Variants in TEK observed in about 807,000 individuals in gnomAD.
TEK encodes the protein TEK receptor tyrosine kinase, also known as angiopoietin-1 receptor.
In TEK, 43 loss-of-function variants were observed where a neutral mutation model predicts 131.8. The observed-to-expected ratio is 0.33, with a 90% CI of 0.26 to 0.42. The LOEUF is 0.42. Among genes scored for constraint, TEK ranks in the 10% least tolerant of loss-of-function variants. The pLI is 1.00. For missense variants in TEK, 1,162 were observed against 1,384.4 expected (o/e 0.84, Z 2.55); for synonymous variants, 580 against 491.6 (o/e 1.18, Z -2.38).
At chr9:27,175,242 G>A (rs1340067226) in intron 6 of TEK, among the ~76,000 whole-genome samples, 3 of 149,128 alleles carry the variant, frequency 2.0e-5, no homozygotes, top group African/African-American at 7.4e-5. Context: ...ACGGTGTTTG[G>A]TTTTTTGTCC....
chr9:27,220,209 G>A (rs913513177), intron 21 of TEK, 64 bp downstream of exon 21: 91 of 1,524,148 alleles, frequency 6.0e-5, no homozygotes, highest in Non-Finnish European at 5.9e-5. Flanking sequence ...TCTGGGGCCA[G>A]CTGACTCTAG....
intron 11 of TEK, chr9:27,195,819 T>G: frequency 2.4e-6 from 1 of 415,368 alleles, no homozygotes; most frequent in Non-Finnish European, 4.8e-6. Context: ...ATTTTACAGG[T>G]GAACTTGGAG....
At chr9:27,186,180 C>G (rs1339096778) in intron 9 of TEK, among the ~76,000 whole-genome samples, 1 of 152,134 alleles carries the variant, frequency 6.6e-6, no homozygotes, top group African/African-American at 2.4e-5. Flanking sequence ...GGCATTTTTC[C>G]TGCTATAAAT....
intron 2 of TEK, among the ~76,000 whole-genome samples, chr9:27,163,627 AG>A (rs899571344): frequency 6.6e-6 from 1 of 152,214 alleles, no homozygotes; most frequent in Non-Finnish European, 1.5e-5. Flanking sequence ...CTGGAGAACT[AG>A]GGGTGGAGGT....
At chr9:27,119,320 TA>T (rs1215456720) in intron 1 of TEK, among the ~76,000 whole-genome samples, 5 of 152,092 alleles carry the variant, frequency 3.3e-5, no homozygotes, top group East Asian at 1.9e-4. Flanking sequence ...GAAGACCTTT[TA>T]AAAAAAATAA....
intron 21 of TEK, among the ~76,000 whole-genome samples, chr9:27,220,979 C>G (rs1826048700): frequency 6.6e-6 from 1 of 152,216 alleles, no homozygotes; most frequent in South Asian, 2.1e-4. Context: ...GCCAAGTGGT[C>G]TAGCTCAGTG....
intron 9 of TEK, among the ~76,000 whole-genome samples, chr9:27,189,680 G>C (rs1824735521): frequency 6.6e-6 from 1 of 152,122 alleles, no homozygotes; most frequent in South Asian, 2.1e-4. Context: ...AAGGAGCCTT[G>C]AGCCAAGGAA....
intron 1 of TEK, among the ~76,000 whole-genome samples, chr9:27,119,815 T>A (rs1268115770): frequency 1.3e-5 from 2 of 152,172 alleles, no homozygotes; most frequent in African/African-American, 4.8e-5. Flanking sequence ...ATTTTTTTAC[T>A]TCTAGTGGAA....
intron 18 of TEK, among the ~76,000 whole-genome samples, chr9:27,215,461 C>T (rs1048349222): frequency 1.3e-5 from 2 of 151,966 alleles, no homozygotes; most frequent in African/African-American, 4.8e-5. Flanking sequence ...TCTCATTGTA[C>T]TTCAAAGCAT....
At chr9:27,145,330 C>A (rs569202115) in intron 1 of TEK, among the ~76,000 whole-genome samples, 3 of 152,194 alleles carry the variant, frequency 2.0e-5, no homozygotes, top group African/African-American at 7.2e-5. Flanking sequence ...CGGCCTGTTT[C>A]CTGCCCATGT....
intron 3 of TEK, among the ~76,000 whole-genome samples, chr9:27,169,016 A>C (rs778544181): frequency 1.3e-5 from 2 of 152,184 alleles, no homozygotes; most frequent in Non-Finnish European, 2.9e-5. Flanking sequence ...GGTCCTAGCT[A>C]TGGTTTCGTA....
intron 2 of TEK, among the ~76,000 whole-genome samples, chr9:27,163,527 C>T (rs927963604): frequency 3.3e-5 from 5 of 152,136 alleles, no homozygotes; most frequent in Admixed American, 3.3e-4. Flanking sequence ...ATGACTTGGA[C>T]ATGAGTGATG....
At chr9:27,228,791 G>A (rs1826439495) in intron 22 of TEK, among the ~76,000 whole-genome samples, 1 of 151,976 alleles carries the variant, frequency 6.6e-6, no homozygotes, top group South Asian at 2.1e-4. Context: ...AACCCAAGTG[G>A]TAATTCAACT....
intron 1 of TEK, among the ~76,000 whole-genome samples, chr9:27,124,811 A>G (rs1821928487): frequency 6.6e-6 from 1 of 152,166 alleles, no homozygotes; most frequent in South Asian, 2.1e-4. Flanking sequence ...CACAAAGAAA[A>G]TTAGTGACAG....
intron 1 of TEK, among the ~76,000 whole-genome samples, chr9:27,117,243 G>A (rs889678336): frequency 1.3e-5 from 2 of 152,206 alleles, no homozygotes; most frequent in African/African-American, 4.8e-5. Flanking sequence ...GCACCAGCCT[G>A]CAGGTGTGTT....
At chr9:27,192,426 AC>A in intron 10 of TEK, 62 bp from the exon 11 acceptor site, 2 of 1,604,500 alleles carry the variant, frequency 1.2e-6, no homozygotes, top group Non-Finnish European at 1.7e-6. Flanking sequence ...AATAACAACA[AC>A]CCCGGCTTAA....
intron 2 of TEK, among the ~76,000 whole-genome samples, chr9:27,165,929 G>T: frequency 6.6e-6 from 1 of 152,272 alleles, no homozygotes; most frequent in East Asian, 1.9e-4. Context: ...CAAACCTAAA[G>T]CCCAGGTCCT....
At chr9:27,228,687 T>C (rs552711599) in intron 22 of TEK, among the ~76,000 whole-genome samples, 1 of 152,144 alleles carries the variant, frequency 6.6e-6, no homozygotes, top group African/African-American at 2.4e-5. Flanking sequence ...ATAATGAGGG[T>C]CAGGAACTCC....
chr9:27,181,142 C>G (rs962651345), intron 7 of TEK, among the ~76,000 whole-genome samples: 1 of 152,144 alleles, frequency 6.6e-6, no homozygotes, highest in African/African-American at 2.4e-5. Flanking sequence ...AGTAGAAAAT[C>G]TACATATAAT....
Sources: gnomAD v4.1 joint callset for allele counts (sites outside exome capture counted in the v4.1 genomes callset) on GRCh38, gnomAD v4.1.1 for gene constraint, MANE v1.5 for transcripts, NCBI Gene and HGNC (gene_info 2026-07-23, HGNC 2026-07-21) for gene names.